Variants in AADAT observed in about 807,000 individuals in gnomAD.
The protein encoded by AADAT is kynurenine/alpha-aminoadipate aminotransferase, mitochondrial.
In AADAT, 25 loss-of-function variants were observed where a neutral mutation model predicts 56.2. The ratio of observed to expected loss-of-function variants is 0.44; its 90% CI spans 0.32 to 0.62. AADAT has a LOEUF of 0.62. Ranked by LOEUF, AADAT falls within the 20% of genes least tolerant of loss-of-function variation. The pLI is 0.04. For synonymous variants in AADAT, 173 were observed against 164.7 expected (o/e 1.05, Z -0.39); for missense variants, 387 against 510.5 (o/e 0.76, Z 2.33).
chr4:170,089,202 C>T, intron 1 of AADAT: 2 of 348,816 alleles, frequency 5.7e-6, no homozygotes, highest in Non-Finnish European at 5.4e-6. Flanking sequence ...AGCAGAAGCC[C>T]TCCTCCACTT....
At chr4:170,085,016 T>C (rs1581596021) in intron 3 of AADAT, among the ~76,000 whole-genome samples, 1 of 152,324 alleles carries the variant, frequency 6.6e-6, no homozygotes, top group East Asian at 1.9e-4. Flanking sequence ...AACATGAAGA[T>C]GAGGATGAAG....
rs950197125 is a variant in AADAT at position 170,073,066 on chromosome 4, G to A, written c.654+70C>T. 15 of 1,430,816 alleles carry A rather than the reference G, an allele frequency of 1.0e-5. No individual in the cohort carries two copies. In the African/African-American group the frequency reaches 2.1e-4, roughly 20 times the overall value. The allele number at this position is 1,430,816 out of a possible 1,614,324, so 88.6% of individuals were successfully genotyped here. A position where few individuals can be genotyped will look rare whatever the true frequency, so the allele number is the denominator to read the frequency against. On this transcript the variant is annotated intron_variant, in intron 5 of 12. Coordinates refer to ENST00000337664, the MANE Select transcript of AADAT (RefSeq NM_016228.4). Reference sequence around the variant, plus strand: ...AAAAGGCTAAGAAGAAAGGGAGCTTGCATAGTGCTCTTCTAAAAAGTCACA... The same window carrying A: ...AAAAGGCTAAGAAGAAAGGGAGCTTACATAGTGCTCTTCTAAAAAGTCACA...
At chr4:170,069,036 C>T in intron 7 of AADAT, 112 bp downstream of exon 7, 1 of 853,338 alleles carries the variant, frequency 1.2e-6, no homozygotes, top group South Asian at 2.0e-5. Context: ...TATTTTAAGA[C>T]AAGTAGACTA....
intron 5 of AADAT, among the ~76,000 whole-genome samples, chr4:170,072,819 A>C (rs1222614958): frequency 6.6e-6 from 1 of 152,208 alleles, no homozygotes; most frequent in Non-Finnish European, 1.5e-5. Context: ...CAAGTTAACA[A>C]CACAGAAAAT....
chr4:170,061,440 T>G (rs570105519), intron 12 of AADAT, among the ~76,000 whole-genome samples: 1 of 152,326 alleles, frequency 6.6e-6, no homozygotes, highest in African/African-American at 2.4e-5. Flanking sequence ...ACTGTTCAAT[T>G]TATAGCTCTT....
chr4:170,070,184 T>C (rs1460969649), intron 6 of AADAT, among the ~76,000 whole-genome samples: 4 of 149,614 alleles, frequency 2.7e-5, no homozygotes, highest in Non-Finnish European at 4.5e-5. Context: ...TACATCATTC[T>C]AATCGGCCAC....
chr4:170,066,095 C>T (rs1731447163), intron 10 of AADAT, among the ~76,000 whole-genome samples: 1 of 151,978 alleles, frequency 6.6e-6, no homozygotes, highest in African/African-American at 2.4e-5. Context: ...CAATTTTACC[C>T]TTTGGGGTAA....
At chr4:170,071,265 A>T (rs1160330656) in intron 5 of AADAT, among the ~76,000 whole-genome samples, 5 of 152,112 alleles carry the variant, frequency 3.3e-5, no homozygotes, top group Admixed American at 6.5e-5. Flanking sequence ...TGAGGGAGAG[A>T]GTGACAGGGT....
chr4:170,089,266 C>A (rs1351166122), intron 1 of AADAT: 4 of 492,016 alleles, frequency 8.1e-6, no homozygotes, highest in Non-Finnish European at 1.6e-5. Context: ...TTTACCTGGC[C>A]CTCTCCACTG....
At chr4:170,080,014 G>A (rs1732215305) in intron 3 of AADAT, among the ~76,000 whole-genome samples, 1 of 152,156 alleles carries the variant, frequency 6.6e-6, no homozygotes, top group African/African-American at 2.4e-5. Context: ...GGAAGGGAGG[G>A]AAAGTGGGCT....
chr4:170,087,373 C>G lies in AADAT; in HGVS notation c.237-125G>C, dbSNP rs573442032. Reference sequence around the variant, plus strand: ...CACTCAATTAAAAAACCCTCAAATGCTTTTTGCCAGTATGAATATTCCTAT... The same window carrying G: ...CACTCAATTAAAAAACCCTCAAATGGTTTTTGCCAGTATGAATATTCCTAT... On this transcript the variant is annotated intron_variant, in intron 2 of 12. Coordinates refer to ENST00000337664, the MANE Select transcript of AADAT (RefSeq NM_016228.4). The G allele has an allele frequency of 7.2e-4, 623 of 867,052 alleles. 11 individuals carry two copies. In the South Asian group the frequency reaches 0.011, roughly 16 times the overall value. 53.7% of individuals were successfully genotyped at this position (867,052 alleles called of 1,614,324 possible).
At chr4:170,069,079 T>C in intron 7 of AADAT, 69 bp downstream of exon 7, 1 of 1,362,516 alleles carries the variant, frequency 7.3e-7, no homozygotes, top group African/African-American at 1.5e-5. Flanking sequence ...TTGTCTAGAC[T>C]AAAAGATACT....
chr4:170,068,784 G>T, intron 7 of AADAT, 97 bp from the exon 8 acceptor site: 1 of 756,720 alleles, frequency 1.3e-6, no homozygotes, highest in Non-Finnish European at 2.1e-6. Flanking sequence ...GTGACCTGGG[G>T]ACAAAAGGAT....
chr4:170,087,688 G>A (rs770042104), intron 2 of AADAT, among the ~76,000 whole-genome samples: 25 of 151,976 alleles, frequency 1.6e-4, no homozygotes, highest in Non-Finnish European at 3.5e-4. Flanking sequence ...ATATATACAT[G>A]AATAACATTT....
upstream of AADAT, chr4:170,091,580 C>G: frequency 6.5e-6 from 1 of 153,472 alleles, no homozygotes; most frequent in East Asian, 1.9e-4. Context: ...TCCACAGCAC[C>G]CGGTCCCATT....
intron 1 of AADAT, 56 bp downstream of exon 1, chr4:170,089,568 G>C: frequency 6.2e-7 from 1 of 1,605,338 alleles, no homozygotes; most frequent in Non-Finnish European, 8.5e-7. Flanking sequence ...ACCCTCCTTA[G>C]AGGCTGTGCG....
In AADAT at chr4:170,083,915, CA is replaced by C. The variant is rs1732432141; in HGVS notation, c.369+3200del. Among the ~76,000 whole-genome samples, 4 of 152,070 alleles carry C rather than the reference CA, an allele frequency of 2.6e-5. No homozygotes were observed. The South Asian group carries it at 8.3e-4, about 31-fold the overall frequency. ...ATCCAAAACAAAAACATCAATATAT[CA>C]AAGAAGTATCTGCACCTCCATGTTT... On this transcript the variant is annotated intron_variant, in intron 3 of 12. Transcript: ENST00000337664.
intron 6 of AADAT, 110 bp from the exon 7 acceptor site, chr4:170,069,340 A>T: frequency 1.3e-6 from 1 of 760,774 alleles, no homozygotes; most frequent in Non-Finnish European, 2.1e-6. Flanking sequence ...ACAACAGTAC[A>T]AATATTCTCT....
rs1208284368 is a variant in AADAT, at chr4:170,073,284, T to G, written c.506A>C (p.Asp169Ala). Residue 169 changes from aspartate (D) to alanine (A), a missense_variant, in exon 5 of 13, where the codon GAT (aspartate) becomes GCT (alanine). Transcript: ENST00000337664. ...TCTGGAAAGTATGTCTCTTAGGGAATCTGGAACAATCCCACTTTCATCACT... is the reference window on the plus strand; with the variant it reads ...TCTGGAAAGTATGTCTCTTAGGGAAGCTGGAACAATCCCACTTTCATCACT... The part of the protein sequence containing the change: ...VASDESGIVP[D>A]SLRDILSRWK... 1.9e-6 allele frequency: 3 copies of G among 1,614,090 alleles called. No homozygotes were observed. The South Asian group carries it at 3.3e-5, about 18-fold the overall frequency.
Sources: gnomAD v4.1 joint callset for allele counts (sites outside exome capture counted in the v4.1 genomes callset) on GRCh38, gnomAD v4.1.1 for gene constraint, MANE v1.5 for transcripts, NCBI Gene and HGNC (gene_info 2026-07-23, HGNC 2026-07-21) for gene names.